The following TBC1D8 variants were observed in gnomAD, a reference collection of about 807,000 sequenced individuals.
TBC1D8 encodes TBC1 domain family member 8.
Under a neutral mutation model 118.8 loss-of-function variants are expected in TBC1D8, and 65 were observed. The observed-to-expected ratio is 0.55, with a 90% confidence interval of 0.45 to 0.67. TBC1D8 has a LOEUF of 0.67. Ranked by LOEUF, TBC1D8 falls within the 30% of genes least tolerant of loss-of-function variation. The probability of loss-of-function intolerance (pLI) is 0.00; values close to 1 mark genes in which losing one functional copy is unlikely to be tolerated. For synonymous variants in TBC1D8, 566 were observed against 595.8 expected (o/e 0.95, Z 0.73); for missense variants, 1,376 against 1,471.2 (o/e 0.94, Z 1.06).
chr2:101,008,294 AG>A (rs1197649922), intron 19 of TBC1D8, 21 bp from the exon 20 acceptor site: 2 of 1,497,336 alleles, frequency 1.3e-6, no homozygotes, highest in Non-Finnish European at 1.8e-6. Flanking sequence ...AATAAGTCTT[AG>A]GTAGCAGCAG....
intron 1 of TBC1D8, among the ~76,000 whole-genome samples, chr2:101,133,528 A>G (rs1374257565): frequency 1.3e-5 from 2 of 152,178 alleles, no homozygotes; most frequent in Admixed American, 6.5e-5. Context: ...GAAATCCAAG[A>G]TCAAGGCACC....
rs1167684438 is a variant in TBC1D8 at position 101,007,709 on chromosome 2, A to C, written c.*112T>G. The C allele has an allele frequency of 6.4e-6, 7 of 1,097,812 alleles. No individual in the cohort carries two copies. The highest frequency in any genetic ancestry group is 9.2e-6 in the Non-Finnish European group (7 of 759,276). The allele number at this position is 1,097,812 out of a possible 1,614,324, so 68.0% of individuals were successfully genotyped here. A position where few individuals can be genotyped will look rare whatever the true frequency, so the allele number is the denominator to read the frequency against. The stretch of plus-strand genomic sequence containing the variant: ...ACAGTTTGTCAGGTTGTTTAGCCAG[A>C]TGCCCCATTGGTAAGGTAGACTGAA... On this transcript the variant is annotated 3_prime_UTR_variant, in exon 20 of 20. Transcript: ENST00000409318.
chr2:101,104,049 A>G (rs1354415715), intron 1 of TBC1D8, among the ~76,000 whole-genome samples: 1 of 152,192 alleles, frequency 6.6e-6, no homozygotes, highest in Non-Finnish European at 1.5e-5. Flanking sequence ...CATACCAGCA[A>G]TTGGAACAAC....
chr2:101,061,187 CAAAAAAA>C (rs397785120), intron 2 of TBC1D8, among the ~76,000 whole-genome samples: 3 of 52,522 alleles, frequency 5.7e-5, no homozygotes, highest in African/African-American at 2.3e-4. Flanking sequence ...GACTCTGTCT[CAAAAAAA>C]AAAAAAAAAA....
At chr2:101,135,968 C>T (rs1452460283) in intron 1 of TBC1D8, among the ~76,000 whole-genome samples, 1 of 152,222 alleles carries the variant, frequency 6.6e-6, no homozygotes, top group Admixed American at 6.5e-5. Context: ...AAGTGATCCT[C>T]CAACCTCAGC....
chr2:101,102,606 T>C (rs1399533887), intron 1 of TBC1D8, among the ~76,000 whole-genome samples: 1 of 149,634 alleles, frequency 6.7e-6, no homozygotes, highest in African/African-American at 2.5e-5. Context: ...AAGACTCACA[T>C]AGGTTAAAAG....
At chr2:101,149,342 C>T (rs950313355) in intron 1 of TBC1D8, among the ~76,000 whole-genome samples, 4 of 152,152 alleles carry the variant, frequency 2.6e-5, no homozygotes, top group Non-Finnish European at 5.9e-5. Flanking sequence ...ACCCTCTGGA[C>T]AGGAAGCGGG....
intron 17 of TBC1D8, among the ~76,000 whole-genome samples, chr2:101,015,675 C>T (rs1679576412): frequency 6.6e-6 from 1 of 152,214 alleles, no homozygotes; most frequent in Non-Finnish European, 1.5e-5. Context: ...TCAAACTATA[C>T]TACAAGGCTA....
chr2:101,134,199 ACACACACAC>A (rs1558726633), intron 1 of TBC1D8, among the ~76,000 whole-genome samples: 20 of 36,610 alleles, frequency 5.5e-4, no homozygotes, highest in Non-Finnish European at 8.6e-4. Context: ...TCTCTCTCTC[ACACACACAC>A]ACACACACAC....
chr2:101,073,058 T>C lies in TBC1D8; in HGVS notation c.284-13519A>G, dbSNP rs1443767078. Among the ~76,000 whole-genome samples, 5 of 152,252 alleles carry C rather than the reference T, an allele frequency of 3.3e-5. No homozygotes were observed. The East Asian group carries it at 9.7e-4, about 29-fold the overall frequency. ...TTCCATTTATAAAGCACAGGCAGAATACATTTACCATAGTTCTTAAGGGCC... is the reference window on the plus strand; with the variant it reads ...TTCCATTTATAAAGCACAGGCAGAACACATTTACCATAGTTCTTAAGGGCC... On this transcript the variant is annotated intron_variant, in intron 2 of 19. Coordinates refer to ENST00000409318, the MANE Select transcript of TBC1D8 (RefSeq NM_001330348.2).
chr2:101,079,669 G>C (rs1238896621), intron 2 of TBC1D8, among the ~76,000 whole-genome samples: 2 of 148,378 alleles, frequency 1.3e-5, no homozygotes, highest in Non-Finnish European at 3.0e-5. Flanking sequence ...TGAGTCACTG[G>C]GTCCAGTCTG....
intron 1 of TBC1D8, among the ~76,000 whole-genome samples, chr2:101,148,480 T>A (rs1422599613): frequency 6.6e-6 from 1 of 152,108 alleles, no homozygotes; most frequent in African/African-American, 2.4e-5. Flanking sequence ...GAAGGAACTA[T>A]GGAGAGAAAT....
intron 1 of TBC1D8, among the ~76,000 whole-genome samples, chr2:101,096,443 A>AAAAAC (rs1676446787): frequency 1.5e-5 from 2 of 131,456 alleles, no homozygotes; most frequent in African/African-American, 2.6e-5. Flanking sequence ...AAAAAAAAAA[A>AAAAAC]AAAACTATAA....
intron 5 of TBC1D8, among the ~76,000 whole-genome samples, chr2:101,041,961 G>A (rs1168719625): frequency 6.6e-6 from 1 of 151,850 alleles, no homozygotes; most frequent in Non-Finnish European, 1.5e-5. Flanking sequence ...GGAGATAGAG[G>A]TTGCAGTGAG....
intron 3 of TBC1D8, among the ~76,000 whole-genome samples, chr2:101,054,672 CTTTTTTTTTTTT>C (rs34465252): frequency 7.9e-4 from 20 of 25,436 alleles, no homozygotes; most frequent in Non-Finnish European, 1.0e-3. Flanking sequence ...CTTTTCTTTT[CTTTTTTTTTTTT>C]TTTTTTTTTT....
At chr2:101,058,162 G>A (rs1369233059) in intron 3 of TBC1D8, among the ~76,000 whole-genome samples, 3 of 152,236 alleles carry the variant, frequency 2.0e-5, no homozygotes, top group Middle Eastern at 3.4e-3. Flanking sequence ...GGGCTGACCC[G>A]AGCCCACCAA....
chr2:101,060,828 C>T (rs1299872557), intron 2 of TBC1D8, among the ~76,000 whole-genome samples: 1 of 152,192 alleles, frequency 6.6e-6, no homozygotes, highest in East Asian at 1.9e-4. Flanking sequence ...TAGACAACAA[C>T]AGAGCTGAAT....
chr2:101,117,330 T>C (rs1310972107), intron 1 of TBC1D8, among the ~76,000 whole-genome samples: 1 of 152,178 alleles, frequency 6.6e-6, no homozygotes, highest in Non-Finnish European at 1.5e-5. Context: ...GAGAGAGCTT[T>C]AAATATACAA....
intron 2 of TBC1D8, among the ~76,000 whole-genome samples, chr2:101,085,051 C>T (rs1675520606): frequency 6.6e-6 from 1 of 151,840 alleles, no homozygotes; most frequent in Non-Finnish European, 1.5e-5. Context: ...CGGGGTTTCA[C>T]CGTGTTAGCC....
Sources: gnomAD v4.1 joint callset for allele counts (sites outside exome capture counted in the v4.1 genomes callset) on GRCh38, gnomAD v4.1.1 for gene constraint, MANE v1.5 for transcripts, NCBI Gene and HGNC (gene_info 2026-07-23, HGNC 2026-07-21) for gene names.